PGBD5: variants seen among roughly 807,000 people sequenced by gnomAD.
PGBD5 encodes the protein piggyBac transposable element-derived protein 5.
PGBD5 carries 14 observed loss-of-function variants against 47.9 expected under a neutral mutation model. That is an observed-to-expected ratio of 0.29 (90% CI 0.19 to 0.46). The LOEUF (loss-of-function observed/expected upper bound fraction) is 0.46. Among genes scored for constraint, PGBD5 ranks in the 20% least tolerant of loss-of-function variants. The pLI, the probability that PGBD5 is intolerant of heterozygous loss-of-function variation, is 1.00. For synonymous variants in PGBD5, 316 were observed against 306.3 expected (o/e 1.03, Z -0.33); for missense variants, 635 against 716.0 (o/e 0.89, Z 1.29).
intron 4 of PGBD5, among the ~76,000 whole-genome samples, chr1:230,335,826 GACATAC>G (rs1203818968): frequency 5.1e-5 from 5 of 97,766 alleles, no homozygotes; most frequent in Admixed American, 5.0e-4. Flanking sequence ...CACTGACACA[GACATAC>G]ACATACACAC....
intron 1 of PGBD5, among the ~76,000 whole-genome samples, chr1:230,421,740 T>C (rs1007045261): frequency 3.3e-5 from 5 of 152,210 alleles, no homozygotes; most frequent in Non-Finnish European, 7.3e-5. Flanking sequence ...GATTACTATG[T>C]AGCTTTGCCT....
chr1:230,356,633 GA>G (rs1324232584), intron 2 of PGBD5, among the ~76,000 whole-genome samples: 2 of 152,216 alleles, frequency 1.3e-5, no homozygotes, highest in Non-Finnish European at 2.9e-5. Context: ...AGGAAAGGGA[GA>G]AAAGAGGCGG....
chr1:230,345,949 T>C (rs541130135), intron 3 of PGBD5, among the ~76,000 whole-genome samples: 1 of 152,336 alleles, frequency 6.6e-6, no homozygotes, highest in East Asian at 1.9e-4. Flanking sequence ...CTCAAACTCC[T>C]GGACTCAAGT....
chr1:230,401,685 G>A (rs1261508602), intron 1 of PGBD5, among the ~76,000 whole-genome samples: 1 of 152,224 alleles, frequency 6.6e-6, no homozygotes, highest in African/African-American at 2.4e-5. Context: ...GGTTTCTGCT[G>A]CCCGGCCTTT....
rs772756561 is a variant in PGBD5 at position 230,323,470 on chromosome 1, G to C, written c.1530C>G (p.Leu510=). The C allele has an allele frequency of 2.5e-5, 40 of 1,614,030 alleles. No individual in the cohort carries two copies. Among genetic ancestry groups the C allele is most frequent in the Non-Finnish European group, 3.0e-5 (35 of 1,180,038 alleles). Residue 510 remains leucine, a synonymous_variant, in exon 7 of 7, where the codon CTC becomes CTG. Coordinates refer to ENST00000391860, the MANE Select transcript of PGBD5 (RefSeq NM_001258311.2). This position sits in a 1 kb window ranked among gnomAD's most constrained non-coding sequence, Gnocchi z 4.1. ...RYSRAQFGER[L]VRELLGLEDA... ...CCTCCAAGCCCAGCAGCTCTCTGAC[G>C]AGTCTCTCTCCAAACTGCGCCCGGC... is the stretch of plus-strand genomic sequence containing the variant.
intron 1 of PGBD5, among the ~76,000 whole-genome samples, chr1:230,380,798 G>T (rs576930813): frequency 6.6e-6 from 1 of 152,154 alleles, no homozygotes; most frequent in Non-Finnish European, 1.5e-5. Flanking sequence ...GCTTGTGCAG[G>T]GCTCTGTCCA....
chr1:230,385,918 C>A (rs75562551), intron 1 of PGBD5, among the ~76,000 whole-genome samples: 7,988 of 152,276 alleles, frequency 0.052, 226 homozygotes, highest in South Asian at 0.073. Context: ...CCCACCCTAG[C>A]CCTGCTAAAT....
intron 1 of PGBD5, among the ~76,000 whole-genome samples, chr1:230,400,626 T>C (rs942544733): frequency 1.3e-5 from 2 of 152,124 alleles, no homozygotes; most frequent in Non-Finnish European, 2.9e-5. Flanking sequence ...ACTCAGTATT[T>C]CTCATGTGCC....
intron 1 of PGBD5, among the ~76,000 whole-genome samples, chr1:230,397,669 C>A (rs1454231927): frequency 6.6e-6 from 1 of 152,232 alleles, no homozygotes; most frequent in African/African-American, 2.4e-5. Context: ...AATGCCTGGG[C>A]ATACACAGAG....
At position 230,356,977 on chromosome 1, in the gene PGBD5, T is replaced by A; in HGVS notation, c.676A>T (p.Thr226Ser). 6.2e-7 allele frequency: 1 copy of A among 1,614,136 alleles called. No individual in the cohort carries two copies. The highest frequency in any genetic ancestry group is 8.5e-7 in the Non-Finnish European group (1 of 1,180,018). Residue 226 changes from threonine to serine, a missense_variant, in exon 2 of 7, where the codon ACG (threonine) becomes TCG (serine). Coordinates refer to ENST00000391860, the MANE Select transcript of PGBD5 (RefSeq NM_001258311.2). Reference sequence around the variant, plus strand: ...GGCTGGACCTTGTAGAGCCCGTGCGTGGTCTGGCTGGAGCGGAAGGCCACG... The same window carrying A: ...GGCTGGACCTTGTAGAGCCCGTGCGAGGTCTGGCTGGAGCGGAAGGCCACG... ...HVVAFRSSQTTHGLYKVQPFL... is the reference protein window; with the variant it reads ...HVVAFRSSQTSHGLYKVQPFL...
chr1:230,364,945 G>C (rs191896273), intron 1 of PGBD5, among the ~76,000 whole-genome samples: 5 of 139,142 alleles, frequency 3.6e-5, no homozygotes, highest in Non-Finnish European at 6.3e-5. Flanking sequence ...GCTTGAACCC[G>C]GGAGGCAGAA....
intron 2 of PGBD5, among the ~76,000 whole-genome samples, chr1:230,351,952 G>A (rs994652016): frequency 6.6e-6 from 1 of 152,136 alleles, no homozygotes; most frequent in Admixed American, 6.5e-5. Flanking sequence ...AAGCTCTTTC[G>A]GGAGGCTTTA....
At chr1:230,384,532 G>A (rs1656589973) in intron 1 of PGBD5, among the ~76,000 whole-genome samples, 1 of 152,112 alleles carries the variant, frequency 6.6e-6, no homozygotes, top group African/African-American at 2.4e-5. Context: ...CCGAGCACTG[G>A]GCACGCGCTG....
intron 1 of PGBD5, among the ~76,000 whole-genome samples, chr1:230,418,625 C>T (rs935248402): frequency 4.6e-5 from 7 of 152,220 alleles, no homozygotes; most frequent in African/African-American, 1.7e-4. Context: ...GCTGGGACTA[C>T]AGGCATTCAC....
chr1:230,393,275 G>A (rs1318134347), intron 1 of PGBD5, among the ~76,000 whole-genome samples: 1 of 146,374 alleles, frequency 6.8e-6, no homozygotes, highest in Non-Finnish European at 1.5e-5. Flanking sequence ...GGAGGAGGAG[G>A]GAGGAAAAAG....
At chr1:230,406,437 TAAGA>T (rs1318541029) in intron 1 of PGBD5, among the ~76,000 whole-genome samples, 1 of 151,882 alleles carries the variant, frequency 6.6e-6, no homozygotes, top group African/African-American at 2.4e-5. Context: ...AAAAAAATAT[TAAGA>T]AATTAAGAGC....
At chr1:230,327,737 T>C (rs2102812256) in intron 5 of PGBD5, among the ~76,000 whole-genome samples, 1 of 152,302 alleles carries the variant, frequency 6.6e-6, no homozygotes, top group Non-Finnish European at 1.5e-5. Context: ...AGGGAGGGCG[T>C]GCGGGCCTGC....
At chr1:230,396,742 A>C (rs1397124034) in intron 1 of PGBD5, among the ~76,000 whole-genome samples, 2 of 151,948 alleles carry the variant, frequency 1.3e-5, no homozygotes, top group Non-Finnish European at 2.9e-5. Context: ...CCGTGTACTG[A>C]CATGAGATCC....
chr1:230,349,757 G>A (rs940397024), intron 3 of PGBD5, among the ~76,000 whole-genome samples: 1 of 152,308 alleles, frequency 6.6e-6, no homozygotes, highest in Middle Eastern at 3.4e-3. Flanking sequence ...AGAGATGGCA[G>A]AGGACTCTGG....
Sources: gnomAD v4.1 joint callset for allele counts (sites outside exome capture counted in the v4.1 genomes callset) on GRCh38, gnomAD v4.1.1 for gene constraint, Gnocchi (gnomAD v3.1) non-coding constraint, MANE v1.5 for transcripts, NCBI Gene and HGNC (gene_info 2026-07-23, HGNC 2026-07-21) for gene names.